Variants in EYA3 observed in about 807,000 individuals in gnomAD.
EYA3 encodes the protein protein phosphatase EYA3.
In EYA3, 39 loss-of-function variants were observed where a neutral mutation model predicts 80.0. The observed-to-expected ratio is 0.49, with a 90% CI of 0.38 to 0.64. The LOEUF (loss-of-function observed/expected upper bound fraction) is 0.64. EYA3 is among the 30% of genes least tolerant of loss of function. The pLI is 0.00. For missense variants in EYA3, 523 were observed against 676.1 expected (o/e 0.77, Z 2.51); for synonymous variants, 206 against 232.8 (o/e 0.88, Z 1.05).
chr1:28,025,812 G>T (rs1165710557), intron 7 of EYA3, among the ~76,000 whole-genome samples: 1 of 152,134 alleles, frequency 6.6e-6, no homozygotes, highest in Non-Finnish European at 1.5e-5. Context: ...TCAGGCTGGA[G>T]TACAATGGCA....
At chr1:28,026,289 A>C (rs990344031) in intron 7 of EYA3, among the ~76,000 whole-genome samples, 2 of 152,192 alleles carry the variant, frequency 1.3e-5, no homozygotes, top group Non-Finnish European at 2.9e-5. Flanking sequence ...AACTAGACTT[A>C]CCTGTGGTTG....
At chr1:28,018,127 T>C (rs1642193714) in intron 7 of EYA3, among the ~76,000 whole-genome samples, 1 of 150,972 alleles carries the variant, frequency 6.6e-6, no homozygotes, top group Non-Finnish European at 1.5e-5. Context: ...ACTCAGGAAG[T>C]GGAGGTTGCA....
chr1:28,001,855 CT>C (rs745811631), intron 11 of EYA3, among the ~76,000 whole-genome samples: 3 of 150,964 alleles, frequency 2.0e-5, no homozygotes, highest in Non-Finnish European at 4.4e-5. Flanking sequence ...CTCAGCCTCC[CT>C]AGTAGCTGGG....
chr1:28,033,764 C>A (rs942681384), intron 6 of EYA3, among the ~76,000 whole-genome samples: 1 of 151,568 alleles, frequency 6.6e-6, no homozygotes, highest in African/African-American at 2.4e-5. Context: ...GAGTGATTCT[C>A]ATGCCTCAGC....
chr1:28,065,537 A>C (rs2148916685), intron 1 of EYA3, among the ~76,000 whole-genome samples: 1 of 151,760 alleles, frequency 6.6e-6, no homozygotes. Flanking sequence ...CTGGGATTAC[A>C]GGTGTGAGCC....
chr1:28,020,613 C>G (rs1173765579), intron 7 of EYA3, among the ~76,000 whole-genome samples: 1 of 150,896 alleles, frequency 6.6e-6, no homozygotes, highest in African/African-American at 2.4e-5. Context: ...CCTGCCCTAC[C>G]CCACATACAG....
At chr1:28,073,690 C>G (rs1249993172) in intron 1 of EYA3, among the ~76,000 whole-genome samples, 1 of 152,064 alleles carries the variant, frequency 6.6e-6, no homozygotes, top group African/African-American at 2.4e-5. Flanking sequence ...CCCGCCTTGG[C>G]CTCCCAGAGT....
At chr1:28,006,008 G>A (rs1641243510) in intron 10 of EYA3, among the ~76,000 whole-genome samples, 1 of 151,928 alleles carries the variant, frequency 6.6e-6, no homozygotes, top group Non-Finnish European at 1.5e-5. Flanking sequence ...GGGAGGCTGA[G>A]GCAGGAGAAT....
intron 13 of EYA3, 27 bp from the exon 14 acceptor site, chr1:27,993,587 T>C (rs1330581049): frequency 1.3e-6 from 2 of 1,552,096 alleles, no homozygotes. Context: ...TAATAAAAAT[T>C]AAAATTTATA....
intron 2 of EYA3, among the ~76,000 whole-genome samples, chr1:28,055,530 G>A (rs935400159): frequency 6.8e-6 from 1 of 147,018 alleles, no homozygotes; most frequent in Non-Finnish European, 1.5e-5. Flanking sequence ...GAGTGCACTG[G>A]CACAATCTCG....
At chr1:27,993,673 ATCT>A (rs2148736136) in intron 13 of EYA3, 113 bp from the exon 14 acceptor site, 1 of 799,266 alleles carries the variant, frequency 1.3e-6, no homozygotes, top group African/African-American at 1.8e-5. Flanking sequence ...GGCTTTAAGG[ATCT>A]TCTTCCTTAA....
At chr1:28,056,531 T>C (rs1644444601) in intron 2 of EYA3, among the ~76,000 whole-genome samples, 2 of 152,214 alleles carry the variant, frequency 1.3e-5, no homozygotes, top group Non-Finnish European at 2.9e-5. Context: ...AATCACCTTT[T>C]TATATTAAGA....
At position 28,050,175 on chromosome 1, in the gene EYA3, T is replaced by TTTA. The variant is rs370930213; in HGVS notation, c.34-1752_34-1750dup. ...GCAACATTTTTAAATTTACTTTTTA[T>TTTA]TTATTATTATTATTATTATTATTAT... On this transcript the variant is annotated intron_variant, in intron 2 of 17. Coordinates refer to ENST00000373871, the MANE Select transcript of EYA3 (RefSeq NM_001990.4). Among the ~76,000 whole-genome samples, 1,298 of 133,552 alleles carry TTTA rather than the reference T, an allele frequency of 9.7e-3. 14 individuals are homozygous for TTTA. The highest frequency in any genetic ancestry group is 0.024 in the Middle Eastern group (6 of 252). 87.6% of individuals were successfully genotyped at this position (133,552 alleles called of 152,430 possible).
At chr1:27,988,920 A>C (rs1460825488) in intron 15 of EYA3, among the ~76,000 whole-genome samples, 1 of 152,154 alleles carries the variant, frequency 6.6e-6, no homozygotes, top group Non-Finnish European at 1.5e-5. Context: ...TTCCCCTCTG[A>C]CCATTCTAGT....
At chr1:28,084,248 A>G (rs369261103) in intron 1 of EYA3, among the ~76,000 whole-genome samples, 1 of 152,048 alleles carries the variant, frequency 6.6e-6, no homozygotes, top group East Asian at 1.9e-4. Context: ...AAGAACAGAG[A>G]AAATGCCTAA....
intron 7 of EYA3, among the ~76,000 whole-genome samples, chr1:28,025,657 C>A (rs183649733): frequency 6.6e-6 from 1 of 152,092 alleles, no homozygotes; most frequent in African/African-American, 2.4e-5. Flanking sequence ...TGAAGGAAAC[C>A]GGGTTAGCCA....
chr1:28,008,019 T>C (rs1641418412), intron 10 of EYA3, among the ~76,000 whole-genome samples: 1 of 152,172 alleles, frequency 6.6e-6, no homozygotes, highest in Non-Finnish European at 1.5e-5. Context: ...GGTACTAGCA[T>C]AAGGATAGAC....
rs1198851089 is a variant in EYA3 at position 27,971,895 on chromosome 1, C to G, written c.*2571G>C. ...CAAGAAGCTCCTGTTTTCTCTCTTC[C>G]ATTTAAATGAGGGTGGCAACAACCA... On this transcript the variant is annotated 3_prime_UTR_variant, in exon 18 of 18. Coordinates refer to ENST00000373871, the MANE Select transcript of EYA3 (RefSeq NM_001990.4). The G allele has an allele frequency of 1.3e-5, 2 of 152,220 alleles. No homozygotes were observed. Among genetic ancestry groups the G allele is most frequent in the African/African-American group, 4.8e-5 (2 of 41,448 alleles). 9.4% of individuals were successfully genotyped at this position (152,220 alleles called of 1,614,324 possible). A position where few individuals can be genotyped will look rare whatever the true frequency, so the allele number is the denominator to read the frequency against.
At chr1:28,024,034 T>C (rs1642621627) in intron 7 of EYA3, among the ~76,000 whole-genome samples, 1 of 151,732 alleles carries the variant, frequency 6.6e-6, no homozygotes, top group South Asian at 2.1e-4. Flanking sequence ...AGGTGAGGAG[T>C]TTGAGACCAG....
Sources: allele counts gnomAD v4.1 joint callset (sites outside exome capture counted in the v4.1 genomes callset), GRCh38; gene constraint gnomAD v4.1.1; transcripts MANE v1.5; gene names NCBI Gene and HGNC (gene_info 2026-07-23, HGNC 2026-07-21).